The following GALNT17 variants were observed in gnomAD, a reference collection of about 807,000 sequenced individuals.
GALNT17 encodes the protein polypeptide N-acetylgalactosaminyltransferase 17.
GALNT17 carries 29 observed loss-of-function variants against 63.7 expected under a neutral mutation model. That is an observed-to-expected ratio of 0.46 (90% confidence interval 0.34 to 0.62). The LOEUF (loss-of-function observed/expected upper bound fraction) is 0.62, where lower values mean the gene tolerates loss of function less well. GALNT17 is among the 20% of genes least tolerant of loss of function. The pLI, the probability that GALNT17 is intolerant of heterozygous loss-of-function variation, is 0.01. For missense variants in GALNT17, 603 were observed against 799.6 expected (o/e 0.75, Z 2.97); for synonymous variants, 305 against 318.3 (o/e 0.96, Z 0.45).
At chr7:71,154,376 T>G (rs1788191970) in intron 1 of GALNT17, among the ~76,000 whole-genome samples, 1 of 152,138 alleles carries the variant, frequency 6.6e-6, no homozygotes, top group Non-Finnish European at 1.5e-5. Context: ...GACGGGCTGT[T>G]CCCACCCCAA....
chr7:71,350,624 T>C (rs1258310012), intron 2 of GALNT17, among the ~76,000 whole-genome samples: 1 of 152,212 alleles, frequency 6.6e-6, no homozygotes, highest in Admixed American at 6.5e-5. Flanking sequence ...ATCTAGAGAT[T>C]ATTTAAAGTA....
At chr7:71,338,344 A>C (rs1791949017) in intron 2 of GALNT17, among the ~76,000 whole-genome samples, 1 of 139,706 alleles carries the variant, frequency 7.2e-6, no homozygotes, top group Non-Finnish European at 1.6e-5. Flanking sequence ...AAATAAATAA[A>C]TAAAAAATAA....
chr7:71,310,266 G>C (rs922726899), intron 1 of GALNT17, among the ~76,000 whole-genome samples: 1 of 152,196 alleles, frequency 6.6e-6, no homozygotes, highest in African/African-American at 2.4e-5. Flanking sequence ...TGAATCAGAA[G>C]CAGAATGACT....
intron 8 of GALNT17, 63 bp from the exon 9 acceptor site, chr7:71,677,148 G>T: frequency 6.5e-7 from 1 of 1,549,080 alleles, no homozygotes; most frequent in South Asian, 1.1e-5. Context: ...GTAGAACAGT[G>T]ACTCGGCATC....
chr7:71,476,175 C>G (rs941757461), intron 5 of GALNT17, among the ~76,000 whole-genome samples: 1 of 152,144 alleles, frequency 6.6e-6, no homozygotes, highest in African/African-American at 2.4e-5. Flanking sequence ...TGGGAACACC[C>G]AGGAGTTCAA....
chr7:71,635,866 T>G (rs1790522532), intron 6 of GALNT17, among the ~76,000 whole-genome samples: 1 of 152,210 alleles, frequency 6.6e-6, no homozygotes, highest in Non-Finnish European at 1.5e-5. Flanking sequence ...AGTGTAGCAG[T>G]GAGGACGACC....
chr7:71,335,174 C>G (rs1446550715), intron 1 of GALNT17, among the ~76,000 whole-genome samples: 1 of 152,060 alleles, frequency 6.6e-6, no homozygotes, highest in Non-Finnish European at 1.5e-5. Context: ...CTCTATTGCC[C>G]AGGCTGGAGT....
In GALNT17 at chr7:71,469,835, A is replaced by G. The variant is rs565827349; in HGVS notation, c.962+48730A>G. Among the ~76,000 whole-genome samples, 3 of 152,362 alleles carry G rather than the reference A, an allele frequency of 2.0e-5. No individual in the cohort carries two copies. The South Asian group carries it at 6.2e-4, about 32-fold the overall frequency. On this transcript the variant is annotated intron_variant, in intron 5 of 10. Transcript: ENST00000333538. ...CTGACATCAGGGACCAGAGGAAAAT[A>G]TGACTTTTTCACACAATTAGAGATA...
At chr7:71,711,620 C>A (rs1791793262) in intron 10 of GALNT17, among the ~76,000 whole-genome samples, 2 of 150,646 alleles carry the variant, frequency 1.3e-5, no homozygotes, top group African/African-American at 4.9e-5. Context: ...TGTCTTCTCT[C>A]TGTTCCTCTC....
chr7:71,560,194 A>C (rs1242573307), intron 5 of GALNT17, among the ~76,000 whole-genome samples: 10 of 5,140 alleles, frequency 1.9e-3, no homozygotes, highest in African/African-American at 4.2e-3. Flanking sequence ...ACTCCATCTC[A>C]AAAAAAAAAA....
chr7:71,245,489 G>C (rs1790077707), intron 1 of GALNT17, among the ~76,000 whole-genome samples: 2 of 152,160 alleles, frequency 1.3e-5, no homozygotes, highest in African/African-American at 4.8e-5. Context: ...GGGGAGGCAG[G>C]TGGAAAATTT....
intron 1 of GALNT17, among the ~76,000 whole-genome samples, chr7:71,281,319 T>C (rs1790773676): frequency 6.6e-6 from 1 of 152,204 alleles, no homozygotes; most frequent in African/African-American, 2.4e-5. Flanking sequence ...CCAACCTGGC[T>C]AACATAGTGA....
At chr7:71,510,011 C>T (rs987701991) in intron 5 of GALNT17, among the ~76,000 whole-genome samples, 4 of 151,976 alleles carry the variant, frequency 2.6e-5, no homozygotes, top group African/African-American at 9.7e-5. Context: ...GTGGTGCAAT[C>T]ATAGCTCACT....
intron 6 of GALNT17, among the ~76,000 whole-genome samples, chr7:71,655,914 CTT>C (rs1218679642): frequency 6.6e-6 from 1 of 152,064 alleles, no homozygotes; most frequent in Non-Finnish European, 1.5e-5. Flanking sequence ...GGTTGACTGA[CTT>C]TAACTTTCTC....
chr7:71,595,359 A>G (rs556474018), intron 6 of GALNT17, among the ~76,000 whole-genome samples: 1 of 151,770 alleles, frequency 6.6e-6, no homozygotes, highest in Non-Finnish European at 1.5e-5. Flanking sequence ...GAAGCCAGGA[A>G]TTTGAGGCTA....
chr7:71,677,120 A>G (rs918389756), intron 8 of GALNT17, 91 bp from the exon 9 acceptor site: 11 of 1,310,004 alleles, frequency 8.4e-6, no homozygotes, highest in African/African-American at 2.9e-5. Flanking sequence ...CCCATCATGA[A>G]GTTGGAACCA....
intron 1 of GALNT17, among the ~76,000 whole-genome samples, chr7:71,197,612 C>T (rs1422631699): frequency 2.6e-5 from 4 of 152,042 alleles, no homozygotes; most frequent in African/African-American, 9.7e-5. Flanking sequence ...CCTTCCCAGC[C>T]TCTGGTAACC....
rs528443797 is a variant in GALNT17 at position 71,447,048 on chromosome 7, C to T, written c.962+25943C>T. Among the ~76,000 whole-genome samples the T allele has an allele frequency of 7.9e-5, 12 of 152,274 alleles. No individual in the cohort carries two copies. In the South Asian group the frequency reaches 1.9e-3, roughly 24 times the overall value. On this transcript the variant is annotated intron_variant, in intron 5 of 10. Coordinates refer to ENST00000333538, the MANE Select transcript of GALNT17 (RefSeq NM_022479.3). ...TCATTCCTTTGCTGAGGGCTTTTCCCGCCACACCAGCCAAATCTTCAGTTC... is the reference window on the plus strand; with the variant it reads ...TCATTCCTTTGCTGAGGGCTTTTCCTGCCACACCAGCCAAATCTTCAGTTC...
At chr7:71,519,857 GA>G (rs1788501804) in intron 5 of GALNT17, among the ~76,000 whole-genome samples, 1 of 152,096 alleles carries the variant, frequency 6.6e-6, no homozygotes, top group Admixed American at 6.6e-5. Flanking sequence ...TAATAATTAC[GA>G]TCGTTAATGT....
Sources: gnomAD v4.1 joint callset for allele counts (sites outside exome capture counted in the v4.1 genomes callset) on GRCh38, gnomAD v4.1.1 for gene constraint, MANE v1.5 for transcripts, NCBI Gene and HGNC (gene_info 2026-07-23, HGNC 2026-07-21) for gene names.